The following PID1 variants were observed in gnomAD, a reference collection of about 807,000 sequenced individuals.
The protein encoded by PID1 is phosphotyrosine interaction domain containing 1, also known as PTB-containing, cubilin and LRP1-interacting protein.
A neutral mutation model predicts 19.1 loss-of-function variants in PID1; 10 were observed. That is an observed-to-expected ratio of 0.52 (90% CI 0.32 to 0.89). The LOEUF is 0.89. PID1 is among the 40% of genes least tolerant of loss of function. The pLI is 0.03. For synonymous variants in PID1, 130 were observed against 116.0 expected, an observed-to-expected ratio of 1.12 and a Z score of -0.78; for missense variants, 248 against 285.3, an observed-to-expected ratio of 0.87 and a Z score of 0.94.
intron 2 of PID1, among the ~76,000 whole-genome samples, chr2:229,152,090 T>C (rs1436179770): frequency 2.6e-5 from 4 of 152,094 alleles, no homozygotes; most frequent in Non-Finnish European, 5.9e-5. Flanking sequence ...CAAATCCCAT[T>C]TTCCATCCCA....
chr2:229,234,442 G>A (rs1692281270), intron 1 of PID1, among the ~76,000 whole-genome samples: 1 of 152,294 alleles, frequency 6.6e-6, no homozygotes, highest in South Asian at 2.1e-4. Context: ...ACAAGCCTAG[G>A]AATGTGAGCA....
intron 2 of PID1, among the ~76,000 whole-genome samples, chr2:229,061,015 C>A (rs1237534908): frequency 6.6e-6 from 1 of 151,988 alleles, no homozygotes. Context: ...ATTATAGCCT[C>A]TTATCCCACA....
intron 2 of PID1, among the ~76,000 whole-genome samples, chr2:229,113,587 T>C (rs1695346184): frequency 9.3e-6 from 1 of 107,534 alleles, no homozygotes; most frequent in Admixed American, 1.2e-4. Flanking sequence ...TGTATGTGTG[T>C]ATGCATATAT....
intron 1 of PID1, among the ~76,000 whole-genome samples, chr2:229,190,210 GAT>G (rs1476145460): frequency 2.0e-5 from 3 of 152,186 alleles, no homozygotes; most frequent in African/African-American, 7.2e-5. Context: ...TACCTAACAA[GAT>G]GTGTCAATTT....
intron 1 of PID1, among the ~76,000 whole-genome samples, chr2:229,165,832 T>A (rs1399807133): frequency 1.3e-5 from 2 of 151,980 alleles, no homozygotes; most frequent in African/African-American, 4.8e-5. Flanking sequence ...TCATAGAAAA[T>A]TTGATTATCT....
At chr2:229,222,711 C>A (rs138090178) in intron 1 of PID1, among the ~76,000 whole-genome samples, 173 of 152,308 alleles carry the variant, frequency 1.1e-3, no homozygotes, top group African/African-American at 4.0e-3. Flanking sequence ...CTGTCTCCAC[C>A]TGACTGTCTT....
intron 2 of PID1, among the ~76,000 whole-genome samples, chr2:229,028,020 G>GA (rs1343097923): frequency 4.6e-5 from 7 of 152,150 alleles, no homozygotes; most frequent in Non-Finnish European, 7.3e-5. Context: ...TGATAGCAGA[G>GA]ACACAGCCAG....
chr2:229,049,998 C>T (rs188899821), intron 2 of PID1, among the ~76,000 whole-genome samples: 41 of 152,124 alleles, frequency 2.7e-4, no homozygotes, highest in African/African-American at 9.4e-4. Context: ...TATAATTAAC[C>T]TCAGGCAGTC....
At chr2:229,057,401 G>A (rs1009094533) in intron 2 of PID1, among the ~76,000 whole-genome samples, 7 of 151,312 alleles carry the variant, frequency 4.6e-5, no homozygotes, top group African/African-American at 1.5e-4. Context: ...GGTTGCAGTG[G>A]GCAGAGATCA....
intron 1 of PID1, among the ~76,000 whole-genome samples, chr2:229,221,655 C>T (rs933802171): frequency 7.9e-5 from 12 of 152,298 alleles, no homozygotes; most frequent in South Asian, 6.2e-4. Flanking sequence ...ATTTCATCTA[C>T]GGCCACAGAT....
intron 1 of PID1, 21 bp downstream of exon 1, chr2:229,270,993 C>A (rs775621762): frequency 2.0e-5 from 26 of 1,329,670 alleles, no homozygotes; most frequent in Middle Eastern, 2.0e-4. Context: ...GGCTGGCCCC[C>A]GGCTCCCGGG....
chr2:229,031,215 C>CAAAAAAAAAAAAAAAA (rs3083804), intron 2 of PID1, among the ~76,000 whole-genome samples: 3 of 68,420 alleles, frequency 4.4e-5, no homozygotes, highest in Middle Eastern at 0.012. Context: ...GACTCTGTCT[C>CAAAAAAAAAAAAAAAA]AAAAAAAAAA....
chr2:229,201,294 C>T (rs879306012), intron 1 of PID1, among the ~76,000 whole-genome samples: 1 of 152,076 alleles, frequency 6.6e-6, no homozygotes, highest in Non-Finnish European at 1.5e-5. Flanking sequence ...CTCCCTCTCC[C>T]TAACTCCTAA....
chr2:229,248,635 T>TCCATCATC (rs1432765622), intron 1 of PID1, among the ~76,000 whole-genome samples: 2 of 152,252 alleles, frequency 1.3e-5, no homozygotes, highest in Non-Finnish European at 2.9e-5. Context: ...ATTTTCTAAC[T>TCCATCATC]CCATCATCCC....
intron 2 of PID1, among the ~76,000 whole-genome samples, chr2:229,088,665 T>C (rs1694814283): frequency 6.6e-6 from 1 of 152,116 alleles, no homozygotes; most frequent in Non-Finnish European, 1.5e-5. Flanking sequence ...CACAGCAATT[T>C]GATCATAGTT....
intron 1 of PID1, among the ~76,000 whole-genome samples, chr2:229,159,958 T>G: frequency 6.6e-6 from 1 of 151,946 alleles, no homozygotes; most frequent in Non-Finnish European, 1.5e-5. Context: ...CTGAAGGTGG[T>G]TTGCCAAGTT....
chr2:229,094,594 CA>C (rs1379940000), intron 2 of PID1, among the ~76,000 whole-genome samples: 1 of 151,878 alleles, frequency 6.6e-6, no homozygotes, highest in East Asian at 1.9e-4. Context: ...AAGTGACACA[CA>C]AACAAGTGGA....
At chr2:229,029,850 A>AAG (rs1402795875) in intron 2 of PID1, among the ~76,000 whole-genome samples, 2 of 151,866 alleles carry the variant, frequency 1.3e-5, no homozygotes, top group African/African-American at 4.8e-5. Context: ...AAAAAAAAAA[A>AAG]AAAACAATTA....
chr2:229,052,714 G>GA (rs11287337), intron 2 of PID1, among the ~76,000 whole-genome samples: 99 of 147,922 alleles, frequency 6.7e-4, no homozygotes, highest in Middle Eastern at 3.5e-3. Flanking sequence ...AAGCAGAAAG[G>GA]AAAAAAAAAA....
Sources: gnomAD v4.1 joint callset for allele counts (sites outside exome capture counted in the v4.1 genomes callset) on GRCh38, gnomAD v4.1.1 for gene constraint, MANE v1.5 for transcripts, NCBI Gene and HGNC (gene_info 2026-07-23, HGNC 2026-07-21) for gene names.